The following ANXA8 variants were observed in gnomAD, a reference collection of about 807,000 sequenced individuals.
ANXA8 encodes VAC-beta.
In ANXA8, 9 loss-of-function variants were observed where a neutral mutation model predicts 26.8. The observed-to-expected ratio is 0.34, with a 90% CI of 0.20 to 0.59. The LOEUF is 0.59. Among genes scored for constraint, ANXA8 ranks in the 20% least tolerant of loss-of-function variants. The pLI is 0.84. For synonymous variants in ANXA8, 39 were observed against 94.8 expected, an observed-to-expected ratio of 0.41 and a Z score of 3.42; for missense variants, 83 against 238.5, an observed-to-expected ratio of 0.35 and a Z score of 4.29.
chr10:47,527,736 G>A, the ANXA8 span, among the ~76,000 whole-genome samples: 1 of 141,912 alleles, frequency 7.0e-6, no homozygotes, highest in Non-Finnish European at 1.5e-5. Context: ...ACAAACTCAG[G>A]GCTTCTCTTC....
chr10:47,754,977 TG>T, the ANXA8 span, among the ~76,000 whole-genome samples: 184 of 94,116 alleles, frequency 2.0e-3, no homozygotes, highest in Admixed American at 3.0e-3. Flanking sequence ...TTTTTTTTTT[TG>T]ACAGAGTCTC....
the ANXA8 span, among the ~76,000 whole-genome samples, chr10:47,952,676 A>G: frequency 1.4e-5 from 2 of 147,180 alleles, no homozygotes; most frequent in Non-Finnish European, 3.0e-5. Context: ...CAAATAATCT[A>G]GAATAATCAA....
At chr10:47,554,138 T>TAAATAAATAAA in the ANXA8 span, among the ~76,000 whole-genome samples, 4 of 141,208 alleles carry the variant, frequency 2.8e-5, no homozygotes, top group African/African-American at 1.1e-4. Flanking sequence ...AATAAATAAA[T>TAAATAAATAAA]AAATAAATAA....
At chr10:47,561,026 T>G in the ANXA8 span, among the ~76,000 whole-genome samples, 1 of 151,512 alleles carries the variant, frequency 6.6e-6, no homozygotes, top group East Asian at 1.9e-4. Flanking sequence ...TTACAATTTT[T>G]TTTTCCTTTT....
At chr10:47,509,041 GATT>G in the ANXA8 span, among the ~76,000 whole-genome samples, 1 of 135,178 alleles carries the variant, frequency 7.4e-6, no homozygotes, top group African/African-American at 3.1e-5. Flanking sequence ...TACACCAAAT[GATT>G]ATTTCTCAAA....
At chr10:47,733,197 CTTT>C in the ANXA8 span, among the ~76,000 whole-genome samples, 2 of 109,726 alleles carry the variant, frequency 1.8e-5, no homozygotes, top group Admixed American at 9.3e-5. Context: ...TTCTTTCTTT[CTTT>C]CTTTCTTTCT....
chr10:47,940,186 A>T, the ANXA8 span, among the ~76,000 whole-genome samples: 4 of 150,596 alleles, frequency 2.7e-5, no homozygotes, highest in Admixed American at 1.3e-4. Context: ...TAGAGCTGGA[A>T]GGATGCAAGA....
the ANXA8 span, among the ~76,000 whole-genome samples, chr10:47,586,641 C>T: frequency 1.4e-5 from 2 of 145,878 alleles, 1 homozygote; most frequent in Non-Finnish European, 2.9e-5. Flanking sequence ...CTTCTGGCTC[C>T]GAGTCCAGTT....
At chr10:47,557,948 C>T in the ANXA8 span, among the ~76,000 whole-genome samples, 6 of 151,860 alleles carry the variant, frequency 4.0e-5, no homozygotes, top group Non-Finnish European at 8.8e-5. Flanking sequence ...CTAGTTTCTG[C>T]TTTTGATTTT....
At chr10:47,968,218 C>T in the ANXA8 span, among the ~76,000 whole-genome samples, 1 of 150,014 alleles carries the variant, frequency 6.7e-6, no homozygotes, top group African/African-American at 2.4e-5. Flanking sequence ...GCTCTCCTCT[C>T]CTGCTAAGCT....
chr10:47,918,434 A>AAAGAAAGAAAGG, the ANXA8 span, among the ~76,000 whole-genome samples: 1 of 23,134 alleles, frequency 4.3e-5, no homozygotes, highest in Non-Finnish European at 8.4e-5. Flanking sequence ...AGAAAGAAAG[A>AAAGAAAGAAAGG]GAGAGAGAAA....
At chr10:47,568,938 T>C in the ANXA8 span, among the ~76,000 whole-genome samples, 2 of 33,488 alleles carry the variant, frequency 6.0e-5, 1 homozygote, top group African/African-American at 3.2e-4. Context: ...CGAGACTTTG[T>C]CTCAAAAAAA....
upstream of ANXA8, among the ~76,000 whole-genome samples, chr10:47,488,528 G>A (rs1312614243): frequency 6.6e-6 from 1 of 151,230 alleles, no homozygotes; most frequent in Non-Finnish European, 1.5e-5. Flanking sequence ...TTTTATAAGA[G>A]CAGCCTGAGC....
At chr10:47,733,233 C>CTCTTTCTCTCTT in the ANXA8 span, among the ~76,000 whole-genome samples, 4 of 59,688 alleles carry the variant, frequency 6.7e-5, no homozygotes, top group East Asian at 5.0e-4. Context: ...CTTTCTTTCT[C>CTCTTTCTCTCTT]TCTTTCTTTC....
chr10:47,507,796 C>T, the ANXA8 span, among the ~76,000 whole-genome samples: 9 of 107,318 alleles, frequency 8.4e-5, no homozygotes, highest in African/African-American at 2.1e-4. Context: ...CGTTAGAAGA[C>T]GCGTTTCTGT....
chr10:47,656,571 G>A, the ANXA8 span, among the ~76,000 whole-genome samples: 1 of 137,988 alleles, frequency 7.2e-6, no homozygotes, highest in Non-Finnish European at 1.5e-5. Flanking sequence ...CTATCCCGTT[G>A]GTAATTCACA....
chr10:47,488,557 G>T (rs1376517960), upstream of ANXA8, among the ~76,000 whole-genome samples: 2 of 151,244 alleles, frequency 1.3e-5, no homozygotes, highest in Non-Finnish European at 2.9e-5. Flanking sequence ...TTATCTCCTA[G>T]TAAGTTAATA....
chr10:47,733,745 CAG>C, the ANXA8 span, among the ~76,000 whole-genome samples: 5 of 148,026 alleles, frequency 3.4e-5, no homozygotes, highest in African/African-American at 1.2e-4. Context: ...TTAATGTCAA[CAG>C]GGGAGAAATG....
At chr10:47,647,797 A>G in the ANXA8 span, among the ~76,000 whole-genome samples, 1 of 152,066 alleles carries the variant, frequency 6.6e-6, no homozygotes, top group South Asian at 2.1e-4. Context: ...CACATAAAGT[A>G]TGAATACTAC....
Sources: gnomAD v4.1 joint callset for allele counts (sites outside exome capture counted in the v4.1 genomes callset) on GRCh38, gnomAD v4.1.1 for gene constraint, MANE v1.5 for transcripts, NCBI Gene and HGNC (gene_info 2026-07-23, HGNC 2026-07-21) for gene names.